The following HOTAIR variants were observed in gnomAD, a reference collection of about 807,000 sequenced individuals.
HOTAIR encodes the protein HOX transcript antisense RNA, also known as HOX transcript antisense RNA (non-protein coding).
chr12:53,965,397 C>T (rs1939033368), intron 5 of HOTAIR, among the ~76,000 whole-genome samples: 1 of 152,258 alleles, frequency 6.6e-6, no homozygotes, highest in Non-Finnish European at 1.5e-5. Context: ...AAACCAATTT[C>T]ATTGTCATCC....
In HOTAIR at chr12:53,973,712, C is replaced by A. The variant is rs377159561; in HGVS notation, n.59+1186G>T. The A allele has an allele frequency of 1.9e-6, 3 of 1,613,490 alleles. No individual in the cohort carries two copies. The highest frequency in any genetic ancestry group is 1.6e-4 in the Middle Eastern group (1 of 6,062). ...AAGCCTTCGACCGTTTCTTCGACAACGCCTACTGCGGTGGCGGCGACCCGC... is the reference window on the plus strand; with the variant it reads ...AAGCCTTCGACCGTTTCTTCGACAAAGCCTACTGCGGTGGCGGCGACCCGC... On this transcript the variant is annotated intron_variant and non_coding_transcript_variant, in intron 1 of 6. Coordinates refer to ENST00000424518, the Ensembl canonical transcript of HOTAIR. The surrounding 1 kb of genome is among the most constrained non-coding windows in gnomAD (Gnocchi z 4.3).
intron 2 of HOTAIR, chr12:53,968,610 C>T (rs955775815): frequency 6.6e-6 from 1 of 152,332 alleles, no homozygotes. Flanking sequence ...TAGGCCACAA[C>T]ACTCACCCCA....
intron 5 of HOTAIR, among the ~76,000 whole-genome samples, chr12:53,965,495 A>G (rs1005056696): frequency 6.6e-5 from 10 of 152,238 alleles, no homozygotes; most frequent in Admixed American, 2.6e-4. Context: ...GGTGGGGCAA[A>G]AGCCAGGCTG....
chr12:53,974,103 C>CA (rs1939203729), intron 1 of HOTAIR, among the ~76,000 whole-genome samples: 1 of 150,096 alleles, frequency 6.7e-6, no homozygotes, highest in Admixed American at 6.6e-5. Flanking sequence ...CCCTCTCTCC[C>CA]AACGACTCGA....
At chr12:53,965,793 A>G (rs921897323) in intron 5 of HOTAIR, among the ~76,000 whole-genome samples, 4 of 152,194 alleles carry the variant, frequency 2.6e-5, no homozygotes, top group African/African-American at 9.7e-5. Flanking sequence ...GAAGAAAAAG[A>G]CAGGAGGGAA....
At chr12:53,964,488 G>A (rs1008768599) in intron 5 of HOTAIR, among the ~76,000 whole-genome samples, 6 of 152,156 alleles carry the variant, frequency 3.9e-5, no homozygotes, top group African/African-American at 1.2e-4. Flanking sequence ...TGTAACACTA[G>A]ACAGAACTAT....
Position 53,973,957 on chromosome 12 carries a change from C to A in HOTAIR, n.59+941G>T. 1 of 1,417,628 alleles carries A rather than the reference C, an allele frequency of 7.1e-7. No individual in the cohort carries two copies. Among genetic ancestry groups the A allele is most frequent in the Non-Finnish European group, 9.2e-7 (1 of 1,083,162 alleles). 87.8% of individuals were successfully genotyped at this position (1,417,628 alleles called of 1,614,324 possible). ...CAGCGGCCGGGGAACGGGCGGGCAG[C>A]GAGGGAGGGAGCGAGAGAGGGAGGG... On this transcript the variant is annotated intron_variant and non_coding_transcript_variant, in intron 1 of 6. Transcript: ENST00000424518. This position sits in a 1 kb window ranked among gnomAD's most constrained non-coding sequence, Gnocchi z 4.3.
At chr12:53,965,457 C>T (rs1420427635) in intron 5 of HOTAIR, among the ~76,000 whole-genome samples, 1 of 152,240 alleles carries the variant, frequency 6.6e-6, no homozygotes, top group Non-Finnish European at 1.5e-5. Context: ...CCTAAATTGG[C>T]CTTCCCCCTC....
chr12:53,972,980 T>C, intron 1 of HOTAIR: 1 of 189,176 alleles, frequency 5.3e-6, no homozygotes, highest in Non-Finnish European at 1.0e-5. Flanking sequence ...GAAAAACGAA[T>C]ACAAATCTGC....
chr12:53,965,689 G>A (rs1037553516), intron 5 of HOTAIR, among the ~76,000 whole-genome samples: 1 of 151,708 alleles, frequency 6.6e-6, no homozygotes, highest in Non-Finnish European at 1.5e-5. Flanking sequence ...AGCCGGCAAG[G>A]GTAAAAAGAA....
At chr12:53,974,862 G>A (rs906008790) in intron 1 of HOTAIR, 14 of 281,652 alleles carry the variant, frequency 5.0e-5, no homozygotes, top group Non-Finnish European at 7.9e-5. Context: ...GGGCGGAGGG[G>A]GAGCAGACAG....
intron 1 of HOTAIR, among the ~76,000 whole-genome samples, chr12:53,969,968 A>G (rs929277418): frequency 6.6e-6 from 1 of 152,238 alleles, no homozygotes; most frequent in African/African-American, 2.4e-5. Context: ...GGAGCCGCCC[A>G]GGGTAGAATT....
At chr12:53,964,255 T>C (rs976268564) in exon 6 of HOTAIR, 3 of 128,554 alleles carry the variant, frequency 2.3e-5, no homozygotes, top group African/African-American at 9.7e-5. Flanking sequence ...CTGGTTTAGG[T>C]TGCAGCACTT....
At chr12:53,969,582 G>A (rs1257310409) in intron 1 of HOTAIR, among the ~76,000 whole-genome samples, 2 of 152,178 alleles carry the variant, frequency 1.3e-5, no homozygotes, top group Non-Finnish European at 2.9e-5. Context: ...CCACTGACCT[G>A]AAAATCCCAA....
chr12:53,973,169 G>A lies in HOTAIR; in HGVS notation n.59+1729C>T. 8.4e-7 allele frequency: 1 copy of A among 1,194,232 alleles called. No individual in the cohort carries two copies. The highest frequency in any genetic ancestry group is 1.2e-6 in the Non-Finnish European group (1 of 857,122). 74.0% of individuals were successfully genotyped at this position (1,194,232 alleles called of 1,614,324 possible). A position where few individuals can be genotyped will look rare whatever the true frequency, so the allele number is the denominator to read the frequency against. On this transcript the variant is annotated intron_variant and non_coding_transcript_variant, in intron 1 of 6. Coordinates refer to ENST00000424518, the Ensembl canonical transcript of HOTAIR. This position sits in a 1 kb window ranked among gnomAD's most constrained non-coding sequence, Gnocchi z 4.3. The stretch of plus-strand genomic sequence containing the variant: ...ACTAAGACGGATAACGCGTCATCTC[G>A]CCTTCCCAAATTTTCCCCCCTCGCT...
At position 53,973,795 on chromosome 12, in the gene HOTAIR, C is replaced by A. The variant is rs766983603; in HGVS notation, n.59+1103G>T. ...GCCAAGGGGGAGCCCGAGGCACCCCCGGCCTCGGGACTGGCGTCCCGGGCT... is the reference window on the plus strand; with the variant it reads ...GCCAAGGGGGAGCCCGAGGCACCCCAGGCCTCGGGACTGGCGTCCCGGGCT... On this transcript the variant is annotated intron_variant and non_coding_transcript_variant, in intron 1 of 6. Transcript: ENST00000424518. This position sits in a 1 kb window ranked among gnomAD's most constrained non-coding sequence, Gnocchi z 4.3. 6.3e-7 allele frequency: 1 copy of A among 1,592,640 alleles called. No homozygotes were observed. The highest frequency in any genetic ancestry group is 1.4e-5 in the African/African-American group (1 of 74,026).
chr12:53,968,739 G>T (rs973937487), exon 2 of HOTAIR: 1 of 152,404 alleles, frequency 6.6e-6, no homozygotes, highest in African/African-American at 2.4e-5. Flanking sequence ...TGTGCAGGCA[G>T]AAGGCAGGGC....
chr12:53,972,982 C>G (rs1002759828), intron 1 of HOTAIR: 1 of 195,742 alleles, frequency 5.1e-6, no homozygotes, highest in Non-Finnish European at 1.0e-5. Flanking sequence ...AAAACGAATA[C>G]AAATCTGCAA....
intron 1 of HOTAIR, among the ~76,000 whole-genome samples, chr12:53,969,635 G>A (rs750723630): frequency 6.6e-6 from 1 of 152,228 alleles, no homozygotes; most frequent in Non-Finnish European, 1.5e-5. Context: ...ATTACTGTAA[G>A]GGAGAGAAAT....
Sources: allele counts gnomAD v4.1 joint callset (sites outside exome capture counted in the v4.1 genomes callset), GRCh38; gene constraint gnomAD v4.1.1; non-coding constraint Gnocchi (gnomAD v3.1); transcripts MANE v1.5; gene names NCBI Gene and HGNC (gene_info 2026-07-23, HGNC 2026-07-21).